The following DLG2 variants were observed in gnomAD, a reference collection of about 807,000 sequenced individuals.
DLG2 encodes discs large MAGUK scaffold protein 2.
DLG2 carries 45 observed loss-of-function variants against 132.5 expected under a neutral mutation model. That is an observed-to-expected ratio of 0.34 (90% confidence interval 0.27 to 0.44). The LOEUF (loss-of-function observed/expected upper bound fraction) is 0.44, where lower values mean the gene tolerates loss of function less well. Among genes scored for constraint, DLG2 ranks in the 20% least tolerant of loss-of-function variants. DLG2 has a pLI of 1.00. For missense variants in DLG2, 1,045 were observed against 1,196.9 expected, an observed-to-expected ratio of 0.87 and a Z score of 1.87; for synonymous variants, 424 against 419.6, an observed-to-expected ratio of 1.01 and a Z score of -0.13.
chr11:84,083,702 G>A (rs1450806177), intron 10 of DLG2, among the ~76,000 whole-genome samples: 1 of 152,168 alleles, frequency 6.6e-6, no homozygotes, highest in East Asian at 1.9e-4. Context: ...GATGGCCTTT[G>A]TCAGATGCTG....
chr11:83,464,341 A>C (rs533440135), intron 26 of DLG2, among the ~76,000 whole-genome samples: 1 of 152,368 alleles, frequency 6.6e-6, no homozygotes, highest in East Asian at 1.9e-4. Flanking sequence ...GTGATGATGT[A>C]TCAATGTGTA....
chr11:84,138,544 C>T (rs751611187), intron 9 of DLG2, among the ~76,000 whole-genome samples: 1 of 152,198 alleles, frequency 6.6e-6, no homozygotes, highest in African/African-American at 2.4e-5. Context: ...TTAACTAACA[C>T]TGACACAAGT....
In DLG2 at chr11:84,330,314, A is replaced by T. The variant is rs181449991; in HGVS notation, c.520-79023T>A. Among the ~76,000 whole-genome samples, 4 of 152,296 alleles carry T rather than the reference A, an allele frequency of 2.6e-5. No homozygotes were observed. The East Asian group carries it at 7.7e-4, about 29-fold the overall frequency. ...GGGCAAGGCTTTCTGCTTCTGGGCT[A>T]GTTGCTAAATAAGATCACCACCATC... On this transcript the variant is annotated intron_variant, in intron 7 of 27. Coordinates refer to ENST00000376104, the MANE Select transcript of DLG2 (RefSeq NM_001142699.3).
intron 3 of DLG2, among the ~76,000 whole-genome samples, chr11:85,298,456 A>T (rs143489937): frequency 6.6e-6 from 1 of 152,272 alleles, no homozygotes; most frequent in Non-Finnish European, 1.5e-5. Flanking sequence ...ACCTGATAGG[A>T]TGCAATGAAA....
intron 18 of DLG2, among the ~76,000 whole-genome samples, chr11:83,681,491 G>C (rs2078802707): frequency 6.6e-6 from 1 of 152,138 alleles, no homozygotes; most frequent in Admixed American, 6.5e-5. Flanking sequence ...CCGTCCTGCG[G>C]GTACGTCGTA....
chr11:84,154,401 C>G (rs1233301184), intron 9 of DLG2, among the ~76,000 whole-genome samples: 1 of 152,222 alleles, frequency 6.6e-6, no homozygotes, highest in East Asian at 1.9e-4. Context: ...GCCTCATCTT[C>G]AACCCCATCC....
intron 3 of DLG2, among the ~76,000 whole-genome samples, chr11:85,350,986 A>G (rs1000666969): frequency 1.3e-5 from 2 of 152,166 alleles, no homozygotes; most frequent in African/African-American, 4.8e-5. Context: ...TTGAATCTGT[A>G]AATTACCTTG....
rs2074103011 is a variant in DLG2, at chr11:85,519,466, G to A, written c.40+79191C>T. ...CTGTAGCCTCTTTGTTTTGGCCAAT[G>A]TCTCCTATTTGGAATGTCTGTACTT... On this transcript the variant is annotated intron_variant, in intron 3 of 27. Coordinates refer to ENST00000376104, the MANE Select transcript of DLG2 (RefSeq NM_001142699.3). Among the ~76,000 whole-genome samples, 3 of 152,138 alleles carry A rather than the reference G, an allele frequency of 2.0e-5. No individual in the cohort carries two copies. In the South Asian group the frequency reaches 6.2e-4, roughly 31 times the overall value.
chr11:84,699,080 C>T (rs543606739), intron 6 of DLG2, among the ~76,000 whole-genome samples: 22 of 151,582 alleles, frequency 1.5e-4, no homozygotes, highest in Non-Finnish European at 3.0e-4. Flanking sequence ...CTTCCAATGT[C>T]TTTGCCCAGT....
chr11:84,630,555 A>G (rs937777187), intron 6 of DLG2, among the ~76,000 whole-genome samples: 2 of 152,198 alleles, frequency 1.3e-5, no homozygotes, highest in African/African-American at 4.8e-5. Context: ...ATTTAAAAAT[A>G]AATGCATGAT....
At chr11:85,458,544 C>G (rs2092494567) in intron 3 of DLG2, among the ~76,000 whole-genome samples, 1 of 152,174 alleles carries the variant, frequency 6.6e-6, no homozygotes, top group Non-Finnish European at 1.5e-5. Flanking sequence ...TCTTTTTCAT[C>G]TGTGTTGGCT....
At chr11:84,647,621 G>A (rs1594800977) in intron 6 of DLG2, among the ~76,000 whole-genome samples, 1 of 152,130 alleles carries the variant, frequency 6.6e-6, no homozygotes, top group South Asian at 2.1e-4. Flanking sequence ...AGATAGTCAG[G>A]TAGCCATTAG....
chr11:84,255,392 C>T (rs763018485), intron 7 of DLG2, among the ~76,000 whole-genome samples: 6 of 152,144 alleles, frequency 3.9e-5, no homozygotes, highest in African/African-American at 7.2e-5. Flanking sequence ...GGTGCAATCT[C>T]GGCTCACTGC....
intron 19 of DLG2, among the ~76,000 whole-genome samples, chr11:83,551,589 A>AT (rs781452979): frequency 1.1e-3 from 172 of 152,178 alleles, no homozygotes; most frequent in Admixed American, 2.7e-3. Flanking sequence ...TGAGTTTGTT[A>AT]CTTTGCCTAT....
At chr11:83,742,674 G>A (rs1455184566) in intron 18 of DLG2, among the ~76,000 whole-genome samples, 1 of 152,148 alleles carries the variant, frequency 6.6e-6, no homozygotes, top group African/African-American at 2.4e-5. Context: ...TACTCCTGAT[G>A]TTAATGAAGC....
At chr11:84,134,537 C>T (rs2094531807) in intron 9 of DLG2, among the ~76,000 whole-genome samples, 1 of 152,062 alleles carries the variant, frequency 6.6e-6, no homozygotes. Flanking sequence ...ACTAGGCACA[C>T]ACACAGTGTC....
chr11:84,860,370 A>G (rs975999068), intron 6 of DLG2, among the ~76,000 whole-genome samples: 2 of 152,160 alleles, frequency 1.3e-5, no homozygotes, highest in African/African-American at 4.8e-5. Flanking sequence ...ATGTTCATTA[A>G]GTACTTTCTG....
chr11:84,351,750 G>T (rs1476509044), intron 7 of DLG2, among the ~76,000 whole-genome samples: 1 of 152,152 alleles, frequency 6.6e-6, no homozygotes, highest in Non-Finnish European at 1.5e-5. Flanking sequence ...CCAATTCTTG[G>T]CATGAGGTGA....
chr11:84,875,885 C>T (rs190514368), intron 6 of DLG2, among the ~76,000 whole-genome samples: 1 of 152,162 alleles, frequency 6.6e-6, no homozygotes, highest in Admixed American at 6.5e-5. Flanking sequence ...TTACAGGTGT[C>T]CGCCACCATA....
Sources: allele counts gnomAD v4.1 joint callset (sites outside exome capture counted in the v4.1 genomes callset), GRCh38; gene constraint gnomAD v4.1.1; transcripts MANE v1.5; gene names NCBI Gene and HGNC (gene_info 2026-07-23, HGNC 2026-07-21).